CTNND2: variants seen among roughly 807,000 people sequenced by gnomAD.
CTNND2 encodes catenin delta-2.
CTNND2 carries 22 observed loss-of-function variants against 144.4 expected under a neutral mutation model. That is an observed-to-expected ratio of 0.15 (90% confidence interval 0.11 to 0.22). The LOEUF (loss-of-function observed/expected upper bound fraction) is 0.22, where lower values mean the gene tolerates loss of function less well. CTNND2 is among the 10% of genes least tolerant of loss of function. CTNND2 has a pLI of 1.00. For missense variants in CTNND2, 1,353 were observed against 1,618.8 expected, an observed-to-expected ratio of 0.84 and a Z score of 2.82; for synonymous variants, 751 against 695.6, an observed-to-expected ratio of 1.08 and a Z score of -1.25.
chr5:11,320,588 A>G (rs945498183), intron 9 of CTNND2, among the ~76,000 whole-genome samples: 1 of 152,236 alleles, frequency 6.6e-6, no homozygotes, highest in Admixed American at 6.5e-5. Context: ...TGGGGGCCTC[A>G]CAACCATGGT....
At chr5:11,281,117 T>A (rs545568068) in intron 9 of CTNND2, among the ~76,000 whole-genome samples, 9 of 152,286 alleles carry the variant, frequency 5.9e-5, no homozygotes, top group African/African-American at 1.7e-4. Flanking sequence ...AAATATTATA[T>A]CAAACATTTT....
At chr5:10,993,640 A>T (rs569671271) in intron 18 of CTNND2, among the ~76,000 whole-genome samples, 1 of 152,204 alleles carries the variant, frequency 6.6e-6, no homozygotes, top group Non-Finnish European at 1.5e-5. Context: ...TAAGGGGCTC[A>T]ATGCTTTGTT....
chr5:11,690,575 T>C (rs1434186424), intron 2 of CTNND2, among the ~76,000 whole-genome samples: 1 of 150,610 alleles, frequency 6.6e-6, no homozygotes, highest in African/African-American at 2.4e-5. Flanking sequence ...CTACTAAAAA[T>C]ACAAAAAAAA....
intron 3 of CTNND2, among the ~76,000 whole-genome samples, chr5:11,550,555 T>G (rs889385765): frequency 6.6e-6 from 1 of 152,186 alleles, no homozygotes; most frequent in Non-Finnish European, 1.5e-5. Flanking sequence ...CTCAAATAAG[T>G]GCATAAGACA....
chr5:11,869,352 C>A lies in CTNND2; in HGVS notation c.37+34465G>T, dbSNP rs370589024. Among the ~76,000 whole-genome samples the A allele has an allele frequency of 1.4e-4, 22 of 152,194 alleles. 1 individual carries two copies. Among genetic ancestry groups the A allele is most frequent in the East Asian group, 9.6e-4 (5 of 5,196 alleles). ...GTCAATTGATGGATGAATGGGCAAA[C>A]AACATGTGGTTTATTCATACAATGG... On this transcript the variant is annotated intron_variant, in intron 1 of 21. Transcript: ENST00000304623.
intron 1 of CTNND2, among the ~76,000 whole-genome samples, chr5:11,760,257 T>G (rs1228491352): frequency 6.6e-6 from 1 of 152,094 alleles, no homozygotes; most frequent in Non-Finnish European, 1.5e-5. Context: ...CTCTTGGGAA[T>G]GACTCCATTC....
intron 3 of CTNND2, among the ~76,000 whole-genome samples, chr5:11,414,893 C>G (rs555216558): frequency 6.6e-6 from 1 of 152,210 alleles, no homozygotes; most frequent in South Asian, 2.1e-4. Context: ...GGATAATGGC[C>G]TCCAGCCCTA....
chr5:11,588,987 C>A, intron 2 of CTNND2: 1 of 985,318 alleles, frequency 1.0e-6, no homozygotes, highest in Middle Eastern at 5.2e-4. Context: ...CTGAATTATC[C>A]TATGGTAATT....
chr5:11,624,729 C>A (rs1310274337), intron 2 of CTNND2, among the ~76,000 whole-genome samples: 1 of 151,974 alleles, frequency 6.6e-6, no homozygotes, highest in African/African-American at 2.4e-5. Flanking sequence ...TGATTCTGCT[C>A]CTGTTAAGGA....
intron 1 of CTNND2, among the ~76,000 whole-genome samples, chr5:11,899,215 G>A (rs967030704): frequency 6.6e-6 from 1 of 152,044 alleles, no homozygotes; most frequent in Non-Finnish European, 1.5e-5. Context: ...ATTCATGCTC[G>A]GTGGTTCTAA....
chr5:11,270,385 C>T (rs1400952582), intron 9 of CTNND2, among the ~76,000 whole-genome samples: 2 of 151,410 alleles, frequency 1.3e-5, no homozygotes, highest in African/African-American at 4.9e-5. Flanking sequence ...TGGTGAAATA[C>T]CACACATAAC....
At chr5:11,415,452 A>T (rs1364897704) in intron 3 of CTNND2, among the ~76,000 whole-genome samples, 1 of 152,062 alleles carries the variant, frequency 6.6e-6, no homozygotes, top group Non-Finnish European at 1.5e-5. Context: ...AAATCTTTTT[A>T]AAAATTAGCA....
chr5:11,838,154 C>A (rs1431809269), intron 1 of CTNND2, among the ~76,000 whole-genome samples: 5 of 152,202 alleles, frequency 3.3e-5, no homozygotes, highest in Non-Finnish European at 7.3e-5. Flanking sequence ...CCCTTCCCAA[C>A]ATCTCAAGGG....
At chr5:11,335,512 TG>T (rs975372933) in intron 9 of CTNND2, among the ~76,000 whole-genome samples, 2 of 152,138 alleles carry the variant, frequency 1.3e-5, no homozygotes, top group African/African-American at 4.8e-5. Flanking sequence ...ATTCCACTTG[TG>T]GTAGAATAAA....
chr5:11,380,411 T>C (rs1758358704), intron 7 of CTNND2, among the ~76,000 whole-genome samples: 1 of 152,172 alleles, frequency 6.6e-6, no homozygotes. Context: ...TATGCTACCT[T>C]ATTTATGTGC....
At chr5:11,396,988 T>C (rs1416610107) in intron 6 of CTNND2, 43 bp downstream of exon 6, 1 of 1,556,876 alleles carries the variant, frequency 6.4e-7, no homozygotes, top group East Asian at 2.3e-5. Flanking sequence ...TCCCCACCTG[T>C]CCCCTTGGAG....
At chr5:11,580,790 G>T (rs1778368579) in intron 2 of CTNND2, among the ~76,000 whole-genome samples, 1 of 152,076 alleles carries the variant, frequency 6.6e-6, no homozygotes, top group Non-Finnish European at 1.5e-5. Context: ...TTCTACTTCT[G>T]GCTTCTAATT....
chr5:11,030,344 CT>C (rs1035022174), intron 16 of CTNND2, among the ~76,000 whole-genome samples: 3 of 152,060 alleles, frequency 2.0e-5, no homozygotes, highest in African/African-American at 7.2e-5. Context: ...CCCTTTCCCA[CT>C]TTTTTTCTCC....
At chr5:11,738,595 C>T (rs1787829658) in intron 1 of CTNND2, among the ~76,000 whole-genome samples, 1 of 152,242 alleles carries the variant, frequency 6.6e-6, no homozygotes, top group Non-Finnish European at 1.5e-5. Context: ...CACAAACACA[C>T]ACGTAAATTC....
Sources: allele counts gnomAD v4.1 joint callset (sites outside exome capture counted in the v4.1 genomes callset), GRCh38; gene constraint gnomAD v4.1.1; transcripts MANE v1.5; gene names NCBI Gene and HGNC (gene_info 2026-07-23, HGNC 2026-07-21).